The following GRM8 variants were observed in gnomAD, a reference collection of about 807,000 sequenced individuals.
The protein encoded by GRM8 is glutamate metabotropic receptor 8.
Under a neutral mutation model 87.2 loss-of-function variants are expected in GRM8, and 47 were observed. The observed-to-expected ratio is 0.54, with a 90% CI of 0.43 to 0.69. The LOEUF is 0.69. Ranked by LOEUF, GRM8 falls within the 30% of genes least tolerant of loss-of-function variation. GRM8 has a pLI of 0.00. For missense variants in GRM8, 1,019 were observed against 1,139.2 expected, an observed-to-expected ratio of 0.89 and a Z score of 1.52; for synonymous variants, 396 against 404.5, an observed-to-expected ratio of 0.98 and a Z score of 0.25.
At chr7:126,979,615 C>T (rs1218862547) in intron 3 of GRM8, among the ~76,000 whole-genome samples, 3 of 152,186 alleles carry the variant, frequency 2.0e-5, no homozygotes, top group Admixed American at 6.5e-5. Context: ...TTCTAGTCAT[C>T]TATGAAAGCC....
intron 7 of GRM8, among the ~76,000 whole-genome samples, chr7:126,712,794 A>T (rs1344107458): frequency 6.6e-6 from 1 of 152,234 alleles, no homozygotes; most frequent in Non-Finnish European, 1.5e-5. Context: ...ATATGAATAG[A>T]CACTTCTCAA....
intron 2 of GRM8, among the ~76,000 whole-genome samples, chr7:127,218,748 G>T (rs896454107): frequency 6.6e-6 from 1 of 152,182 alleles, no homozygotes; most frequent in Non-Finnish European, 1.5e-5. Flanking sequence ...ACAGCCCATG[G>T]TCTACTGACA....
chr7:127,070,497 A>G lies in GRM8; in HGVS notation c.727+35999T>C, dbSNP rs181756178. Among the ~76,000 whole-genome samples, 3 of 152,232 alleles carry G rather than the reference A, an allele frequency of 2.0e-5. No homozygotes were observed. The East Asian group carries it at 5.8e-4, about 29-fold the overall frequency. On this transcript the variant is annotated intron_variant, in intron 3 of 10. Transcript: ENST00000339582. The stretch of plus-strand genomic sequence containing the variant: ...TTGGGAGTTCTTTCTGAAATAATGC[A>G]TAGAAGTCAATACAGCCAATAACTC...
chr7:126,656,599 C>A (rs1804558856), intron 7 of GRM8, among the ~76,000 whole-genome samples: 1 of 151,918 alleles, frequency 6.6e-6, no homozygotes, highest in African/African-American at 2.4e-5. Flanking sequence ...ACCTGGGAGG[C>A]GGAAGCTGCA....
At chr7:126,493,680 A>G (rs905933277) in intron 9 of GRM8, among the ~76,000 whole-genome samples, 1 of 151,970 alleles carries the variant, frequency 6.6e-6, no homozygotes, top group African/African-American at 2.4e-5. Flanking sequence ...TAGCTCTGTG[A>G]CCTTGACAGA....
At chr7:127,231,614 G>T (rs1460600927) in intron 2 of GRM8, among the ~76,000 whole-genome samples, 1 of 152,156 alleles carries the variant, frequency 6.6e-6, no homozygotes, top group African/African-American at 2.4e-5. Flanking sequence ...TATCAGAGAT[G>T]ATAGGAATTA....
intron 2 of GRM8, among the ~76,000 whole-genome samples, chr7:127,119,037 T>C (rs1339597654): frequency 6.6e-6 from 1 of 152,170 alleles, no homozygotes; most frequent in South Asian, 2.1e-4. Context: ...CCTGGCCCAG[T>C]TGGGTACCAA....
intron 2 of GRM8, among the ~76,000 whole-genome samples, chr7:127,128,739 T>C (rs527846848): frequency 6.6e-6 from 1 of 152,252 alleles, no homozygotes; most frequent in Admixed American, 6.5e-5. Context: ...ATCTGTCAGA[T>C]TCCAAAGACC....
At chr7:127,147,077 C>A (rs1236464687) in intron 2 of GRM8, among the ~76,000 whole-genome samples, 1 of 151,990 alleles carries the variant, frequency 6.6e-6, no homozygotes, top group African/African-American at 2.4e-5. Flanking sequence ...ATTGCTATTG[C>A]TATTTAACTG....
rs530561695 is a variant in GRM8, at chr7:126,962,496, ATTAG to A, written c.728-57817_728-57814del. On this transcript the variant is annotated intron_variant, in intron 3 of 10. Transcript: ENST00000339582. ...TTCAACAAAAAACAAACACTATAAA[ATTAG>A]TTAAAGTAGCTTAAACATTTGATTT... Among the ~76,000 whole-genome samples, 361 of 152,376 alleles carry A rather than the reference ATTAG, an allele frequency of 2.4e-3. 2 individuals carry two copies. The highest frequency in any genetic ancestry group is 8.3e-3 in the African/African-American group (346 of 41,580).
At chr7:126,690,628 G>A (rs905275041) in intron 7 of GRM8, among the ~76,000 whole-genome samples, 3 of 152,174 alleles carry the variant, frequency 2.0e-5, no homozygotes, top group African/African-American at 7.2e-5. Context: ...TTTTGGCCCT[G>A]TGTGTGTTAC....
intron 9 of GRM8, among the ~76,000 whole-genome samples, chr7:126,482,770 T>C (rs982512813): frequency 6.6e-6 from 1 of 152,004 alleles, no homozygotes; most frequent in African/African-American, 2.4e-5. Flanking sequence ...CTGCACTGTA[T>C]ACTTAAAAAT....
intron 3 of GRM8, among the ~76,000 whole-genome samples, chr7:127,013,858 C>T (rs1000632067): frequency 2.0e-5 from 3 of 152,060 alleles, no homozygotes; most frequent in Admixed American, 6.6e-5. Flanking sequence ...CAGCAACATG[C>T]AATACAGAAG....
chr7:127,196,731 T>G (rs1395468298), intron 2 of GRM8, among the ~76,000 whole-genome samples: 1 of 152,210 alleles, frequency 6.6e-6, no homozygotes, highest in African/African-American at 2.4e-5. Flanking sequence ...TGAGTTTAAA[T>G]CTGGACTCTC....
intron 2 of GRM8, chr7:127,228,575 G>T (rs1379135164): frequency 6.6e-6 from 1 of 152,142 alleles, no homozygotes; most frequent in African/African-American, 2.4e-5. Flanking sequence ...GTTTGGATGA[G>T]AGGCTATAGA....
chr7:126,844,756 T>C (rs1360308171), intron 6 of GRM8, among the ~76,000 whole-genome samples: 1 of 152,222 alleles, frequency 6.6e-6, no homozygotes, highest in Non-Finnish European at 1.5e-5. Flanking sequence ...TGGCATTTCC[T>C]CTGCACATGC....
Position 126,579,896 on chromosome 7 carries a change from G to T in GRM8, c.1494+29466C>A, listed in dbSNP as rs373463242. Reference sequence around the variant, plus strand: ...TTGAAATGATATATCTCCCTTAAAAGGTCCCTAAATTCCTTAAAATGAGAT... The same window carrying T: ...TTGAAATGATATATCTCCCTTAAAATGTCCCTAAATTCCTTAAAATGAGAT... On this transcript the variant is annotated intron_variant, in intron 8 of 10. Coordinates refer to ENST00000339582, the MANE Select transcript of GRM8 (RefSeq NM_000845.3). Among the ~76,000 whole-genome samples, 19 of 151,844 alleles carry T rather than the reference G, an allele frequency of 1.3e-4. No individual in the cohort carries two copies. In the East Asian group the frequency reaches 2.7e-3, roughly 22 times the overall value.
intron 6 of GRM8, among the ~76,000 whole-genome samples, chr7:126,899,350 C>G (rs1801846204): frequency 6.6e-6 from 1 of 152,144 alleles, no homozygotes; most frequent in Non-Finnish European, 1.5e-5. Flanking sequence ...ATGTATCCTC[C>G]TCTCCAAGAA....
intron 3 of GRM8, among the ~76,000 whole-genome samples, chr7:126,906,307 T>C (rs192791109): frequency 6.6e-6 from 1 of 152,116 alleles, no homozygotes; most frequent in Admixed American, 6.6e-5. Flanking sequence ...ACCCAGTATA[T>C]GATAATTTTT....
Sources: gnomAD v4.1 joint callset for allele counts (sites outside exome capture counted in the v4.1 genomes callset) on GRCh38, gnomAD v4.1.1 for gene constraint, MANE v1.5 for transcripts, NCBI Gene and HGNC (gene_info 2026-07-23, HGNC 2026-07-21) for gene names.